PTPRD: variants seen among roughly 807,000 people sequenced by gnomAD.
PTPRD encodes receptor-type tyrosine-protein phosphatase delta.
Under a neutral mutation model 214.5 loss-of-function variants are expected in PTPRD, and 34 were observed. The observed-to-expected ratio is 0.16, with a 90% CI of 0.12 to 0.21. PTPRD has a LOEUF of 0.21. Ranked by LOEUF, PTPRD falls within the 10% of genes least tolerant of loss-of-function variation. PTPRD has a pLI of 1.00. For missense variants in PTPRD, 2,545 were observed against 2,398.7 expected, an observed-to-expected ratio of 1.06 and a Z score of -1.27; for synonymous variants, 1,128 against 845.7, an observed-to-expected ratio of 1.33 and a Z score of -5.79.
chr9:8,375,325 T>C (rs1237361725), intron 39 of PTPRD, among the ~76,000 whole-genome samples: 4 of 151,936 alleles, frequency 2.6e-5, no homozygotes, highest in African/African-American at 9.7e-5. Flanking sequence ...ATACAAACTA[T>C]ACATTTCGAG....
At chr9:9,332,855 T>A (rs1305319463) in intron 9 of PTPRD, among the ~76,000 whole-genome samples, 1 of 152,032 alleles carries the variant, frequency 6.6e-6, no homozygotes, top group African/African-American at 2.4e-5. Flanking sequence ...GATACTTTCA[T>A]CAAGTGGATA....
chr9:9,319,645 CTCT>C (rs1294411852), intron 9 of PTPRD, among the ~76,000 whole-genome samples: 5 of 152,138 alleles, frequency 3.3e-5, no homozygotes, highest in African/African-American at 1.2e-4. Flanking sequence ...ATCTAAACAC[CTCT>C]TCTTAGAGGT....
chr9:10,514,757 G>T (rs933507011), intron 2 of PTPRD, among the ~76,000 whole-genome samples: 5 of 151,898 alleles, frequency 3.3e-5, no homozygotes, highest in African/African-American at 1.2e-4. Context: ...ATAGTTTGTT[G>T]TTGATGTATC....
chr9:8,341,007 GA>G, intron 41 of PTPRD, 82 bp downstream of exon 41: 1 of 1,320,910 alleles, frequency 7.6e-7, no homozygotes. Context: ...TCTTTGAATG[GA>G]GATGAAATTT....
At chr9:9,688,202 T>G (rs1269697531) in intron 7 of PTPRD, among the ~76,000 whole-genome samples, 2 of 151,866 alleles carry the variant, frequency 1.3e-5, no homozygotes, top group Non-Finnish European at 2.9e-5. Flanking sequence ...TTTATAGCAG[T>G]GTATAAACGG....
chr9:8,773,441 G>A (rs2095323536), intron 11 of PTPRD, among the ~76,000 whole-genome samples: 1 of 152,154 alleles, frequency 6.6e-6, no homozygotes, highest in African/African-American at 2.4e-5. Context: ...GTACTCGCTT[G>A]TTGGTTTCTC....
intron 2 of PTPRD, among the ~76,000 whole-genome samples, chr9:10,581,701 A>G (rs1192378080): frequency 6.6e-6 from 1 of 152,152 alleles, no homozygotes; most frequent in East Asian, 1.9e-4. Flanking sequence ...AATTGGGTAA[A>G]TCACCATTTT....
chr9:9,859,997 C>A (rs1246505959), intron 5 of PTPRD, among the ~76,000 whole-genome samples: 1 of 152,106 alleles, frequency 6.6e-6, no homozygotes, highest in African/African-American at 2.4e-5. Flanking sequence ...ACAACAAACT[C>A]CTCTGGTACA....
At chr9:9,924,639 T>A (rs2083639301) in intron 5 of PTPRD, among the ~76,000 whole-genome samples, 1 of 152,140 alleles carries the variant, frequency 6.6e-6, no homozygotes, top group Non-Finnish European at 1.5e-5. Flanking sequence ...CATGGTCCTG[T>A]GTTACATGTA....
intron 11 of PTPRD, among the ~76,000 whole-genome samples, chr9:8,788,583 A>AT (rs1166912894): frequency 6.6e-6 from 1 of 152,070 alleles, no homozygotes; most frequent in Non-Finnish European, 1.5e-5. Flanking sequence ...CCAAGATGAT[A>AT]TTTTTTAACT....
intron 4 of PTPRD, among the ~76,000 whole-genome samples, chr9:10,004,437 G>A (rs1036837271): frequency 3.3e-5 from 5 of 151,884 alleles, no homozygotes; most frequent in Non-Finnish European, 5.9e-5. Flanking sequence ...AAATGTATAT[G>A]TGTATGGCAG....
At chr9:9,053,154 T>A (rs2099689622) in intron 10 of PTPRD, among the ~76,000 whole-genome samples, 1 of 152,184 alleles carries the variant, frequency 6.6e-6, no homozygotes, top group Non-Finnish European at 1.5e-5. Flanking sequence ...TTAGGTTGAA[T>A]GTTTGCAAAA....
intron 3 of PTPRD, among the ~76,000 whole-genome samples, chr9:10,286,285 T>G (rs1266789952): frequency 1.3e-5 from 2 of 151,852 alleles, no homozygotes; most frequent in African/African-American, 2.4e-5. Flanking sequence ...TACAAAAAAA[T>G]TCAAAAATTA....
chr9:9,626,801 C>A (rs1474632572), intron 7 of PTPRD, among the ~76,000 whole-genome samples: 1 of 152,110 alleles, frequency 6.6e-6, no homozygotes, highest in Admixed American at 6.5e-5. Flanking sequence ...ACAATCCATA[C>A]AAACACAAAT....
chr9:8,328,750 T>C (rs1223690938), intron 44 of PTPRD, among the ~76,000 whole-genome samples: 1 of 152,116 alleles, frequency 6.6e-6, no homozygotes, highest in Non-Finnish European at 1.5e-5. Context: ...TCTCTAATCT[T>C]GTCTTCATGC....
chr9:9,064,963 C>G (rs1370256369), intron 10 of PTPRD, among the ~76,000 whole-genome samples: 1 of 152,136 alleles, frequency 6.6e-6, no homozygotes, highest in Non-Finnish European at 1.5e-5. Flanking sequence ...ATTTCCTGTC[C>G]TCTGAACAAT....
At chr9:9,152,654 G>A (rs775655013) in intron 10 of PTPRD, among the ~76,000 whole-genome samples, 8 of 152,142 alleles carry the variant, frequency 5.3e-5, no homozygotes, top group Non-Finnish European at 1.2e-4. Flanking sequence ...TTCACCTTTC[G>A]AATATTGCTG....
At chr9:9,142,174 T>G (rs1397784366) in intron 10 of PTPRD, among the ~76,000 whole-genome samples, 1 of 152,218 alleles carries the variant, frequency 6.6e-6, no homozygotes, top group Non-Finnish European at 1.5e-5. Context: ...TCATTATCAT[T>G]TAAGCTCCGC....
chr9:9,370,559 A>G (rs1326628596), intron 9 of PTPRD, among the ~76,000 whole-genome samples: 1 of 151,720 alleles, frequency 6.6e-6, no homozygotes, highest in Non-Finnish European at 1.5e-5. Flanking sequence ...ATCTGCAAAC[A>G]GGGACAATTT....
Sources: allele counts gnomAD v4.1 joint callset (sites outside exome capture counted in the v4.1 genomes callset), GRCh38; gene constraint gnomAD v4.1.1; transcripts MANE v1.5; gene names NCBI Gene and HGNC (gene_info 2026-07-23, HGNC 2026-07-21).